Variants in NAALADL2 observed in about 807,000 individuals in gnomAD.
The protein encoded by NAALADL2 is N-acetylated alpha-linked acidic dipeptidase like 2.
Under a neutral mutation model 87.2 loss-of-function variants are expected in NAALADL2, and 76 were observed. The observed-to-expected ratio is 0.87, with a 90% CI of 0.72 to 1.05. The LOEUF is 1.05. Among genes scored for constraint, NAALADL2 ranks in the 50% least tolerant of loss-of-function variants. NAALADL2 has a pLI of 0.00. For missense variants in NAALADL2, 1,089 were observed against 945.8 expected, an observed-to-expected ratio of 1.15 and a Z score of -1.99; for synonymous variants, 354 against 331.0, an observed-to-expected ratio of 1.07 and a Z score of -0.75.
chr3:174,759,924 C>T (rs759141336), intron 3 of NAALADL2, among the ~76,000 whole-genome samples: 1 of 152,114 alleles, frequency 6.6e-6, no homozygotes, highest in Non-Finnish European at 1.5e-5. Context: ...TGGTCTCGAA[C>T]TCCTGACCTT....
intron 2 of NAALADL2, among the ~76,000 whole-genome samples, chr3:175,193,284 G>A (rs1298355768): frequency 6.6e-6 from 1 of 151,372 alleles, no homozygotes. Flanking sequence ...GGACCCATGT[G>A]CTCACAGAAC....
Position 175,808,622 on chromosome 3 carries a change from GATTTT to G in NAALADL2, c.*5425_*5429del, listed in dbSNP as rs1418266274. 2 of 151,942 alleles carry G rather than the reference GATTTT, an allele frequency of 1.3e-5. No homozygotes were observed. The highest frequency in any genetic ancestry group is 2.9e-5 in the Non-Finnish European group (2 of 67,936). 9.4% of individuals were successfully genotyped at this position (151,942 alleles called of 1,614,324 possible). A position where few individuals can be genotyped will look rare whatever the true frequency, so the allele number is the denominator to read the frequency against. Reference sequence around the variant, plus strand: ...AGGTAGCTTTTCTCAGAAGGAAACAGATTTTATTTTCCAGGGGCTAATTAATATGC... The same window carrying G: ...AGGTAGCTTTTCTCAGAAGGAAACAGATTTTCCAGGGGCTAATTAATATGC... On this transcript the variant is annotated 3_prime_UTR_variant, in exon 14 of 14. Coordinates refer to ENST00000454872, the MANE Select transcript of NAALADL2 (RefSeq NM_207015.3).
At chr3:174,916,748 A>G (rs2108328733) in intron 1 of NAALADL2, among the ~76,000 whole-genome samples, 1 of 152,190 alleles carries the variant, frequency 6.6e-6, no homozygotes, top group Middle Eastern at 3.4e-3. Context: ...ATAAAAGACT[A>G]CACACTGTGT....
At chr3:175,105,211 A>T (rs1190845370) in intron 2 of NAALADL2, among the ~76,000 whole-genome samples, 1 of 152,056 alleles carries the variant, frequency 6.6e-6, no homozygotes, top group African/African-American at 2.4e-5. Flanking sequence ...ACAGTACTTC[A>T]TTTCCTCCCA....
At chr3:174,748,496 C>A (rs1011464014) in intron 3 of NAALADL2, among the ~76,000 whole-genome samples, 1 of 152,012 alleles carries the variant, frequency 6.6e-6, no homozygotes, top group East Asian at 1.9e-4. Flanking sequence ...CATTTCAAAC[C>A]TCTGGACCCC....
intron 5 of NAALADL2, among the ~76,000 whole-genome samples, chr3:175,324,999 G>A (rs923313976): frequency 3.9e-5 from 6 of 151,978 alleles, no homozygotes; most frequent in Non-Finnish European, 7.3e-5. Context: ...TGTGTCATTG[G>A]CGGATATTCT....
At chr3:175,663,094 T>C (rs1046504332) in intron 11 of NAALADL2, among the ~76,000 whole-genome samples, 3 of 151,912 alleles carry the variant, frequency 2.0e-5, no homozygotes, top group Non-Finnish European at 4.4e-5. Context: ...TTGGTTCTTC[T>C]TTAAATGTTT....
At chr3:174,605,359 C>T (rs538981202) in intron 2 of NAALADL2, among the ~76,000 whole-genome samples, 18 of 152,192 alleles carry the variant, frequency 1.2e-4, no homozygotes, top group East Asian at 5.8e-4. Flanking sequence ...CGAAGCAGGA[C>T]GAGGCATTGC....
intron 9 of NAALADL2, among the ~76,000 whole-genome samples, chr3:175,492,491 G>T (rs113005290): frequency 2.6e-5 from 4 of 152,302 alleles, no homozygotes; most frequent in African/African-American, 9.6e-5. Flanking sequence ...AGGGAGAGAT[G>T]AAACCCACAT....
chr3:175,546,787 T>A, intron 9 of NAALADL2, among the ~76,000 whole-genome samples: 1 of 152,060 alleles, frequency 6.6e-6, no homozygotes, highest in East Asian at 1.9e-4. Flanking sequence ...TCTCTCTAGA[T>A]GCCTGTAACA....
intron 4 of NAALADL2, among the ~76,000 whole-genome samples, chr3:175,299,726 C>T (rs943621957): frequency 6.6e-6 from 1 of 152,088 alleles, no homozygotes; most frequent in Admixed American, 6.6e-5. Flanking sequence ...AATATGTTGT[C>T]TCCAAACAGA....
chr3:175,655,888 G>C (rs1582792887), intron 11 of NAALADL2, among the ~76,000 whole-genome samples: 1 of 151,932 alleles, frequency 6.6e-6, no homozygotes, highest in Non-Finnish European at 1.5e-5. Context: ...AATATAAAAA[G>C]AAAAAAAGTA....
chr3:175,251,369 A>T (rs770173278), intron 3 of NAALADL2, among the ~76,000 whole-genome samples: 1 of 152,194 alleles, frequency 6.6e-6, no homozygotes, highest in Non-Finnish European at 1.5e-5. Context: ...CTCTCTGGTA[A>T]AATAAAATGT....
At chr3:174,499,819 T>C (rs1718777929) in intron 1 of NAALADL2, among the ~76,000 whole-genome samples, 1 of 152,128 alleles carries the variant, frequency 6.6e-6, no homozygotes. Flanking sequence ...CTTTCTTGAC[T>C]ACAATAACTT....
intron 1 of NAALADL2, among the ~76,000 whole-genome samples, chr3:175,051,381 G>A (rs1755367930): frequency 6.6e-6 from 1 of 152,094 alleles, no homozygotes; most frequent in Non-Finnish European, 1.5e-5. Context: ...GGTTTCACAA[G>A]GCAACATTCA....
At chr3:175,513,843 T>C (rs1200996212) in intron 9 of NAALADL2, among the ~76,000 whole-genome samples, 1 of 152,098 alleles carries the variant, frequency 6.6e-6, no homozygotes, top group African/African-American at 2.4e-5. Flanking sequence ...GGTCAAGGAG[T>C]CCTGTCATAG....
At chr3:175,245,541 A>G (rs1405040718) in intron 3 of NAALADL2, among the ~76,000 whole-genome samples, 1 of 152,212 alleles carries the variant, frequency 6.6e-6, no homozygotes, top group African/African-American at 2.4e-5. Flanking sequence ...CAACTACTGT[A>G]TGCCAAGGCA....
At chr3:174,482,324 G>A (rs575299305) in intron 1 of NAALADL2, among the ~76,000 whole-genome samples, 4 of 151,872 alleles carry the variant, frequency 2.6e-5, no homozygotes, top group Non-Finnish European at 5.9e-5. Flanking sequence ...TGACATTTTC[G>A]GCTTGAGAAA....
intron 1 of NAALADL2, among the ~76,000 whole-genome samples, chr3:174,531,303 T>A (rs1285388712): frequency 6.6e-6 from 1 of 152,038 alleles, no homozygotes; most frequent in Non-Finnish European, 1.5e-5. Flanking sequence ...TGTCTTAGCT[T>A]GGAGTCAAAA....
Sources: allele counts gnomAD v4.1 joint callset (sites outside exome capture counted in the v4.1 genomes callset), GRCh38; gene constraint gnomAD v4.1.1; transcripts MANE v1.5; gene names NCBI Gene and HGNC (gene_info 2026-07-23, HGNC 2026-07-21).